Variants in ADAM10 observed in about 807,000 individuals in gnomAD.
ADAM10 encodes ADAM metallopeptidase domain 10.
A neutral mutation model predicts 90.1 loss-of-function variants in ADAM10; 17 were observed. That is an observed-to-expected ratio of 0.19 (90% CI 0.13 to 0.28). The LOEUF (loss-of-function observed/expected upper bound fraction) is 0.28, where lower values mean the gene tolerates loss of function less well. ADAM10 is among the 10% of genes least tolerant of loss of function. The pLI, the probability that ADAM10 is intolerant of heterozygous loss-of-function variation, is 1.00. For missense variants in ADAM10, 610 were observed against 914.3 expected, an observed-to-expected ratio of 0.67 and a Z score of 4.29; for synonymous variants, 310 against 298.6, an observed-to-expected ratio of 1.04 and a Z score of -0.40.
At chr15:58,652,958 G>T (rs1484860846) in intron 5 of ADAM10, among the ~76,000 whole-genome samples, 3 of 151,900 alleles carry the variant, frequency 2.0e-5, no homozygotes, top group Non-Finnish European at 4.4e-5. Context: ...TAATTCCTAG[G>T]TATGTAATTT....
intron 5 of ADAM10, among the ~76,000 whole-genome samples, chr15:58,662,288 C>T (rs1896986555): frequency 6.6e-6 from 1 of 152,176 alleles, no homozygotes; most frequent in Non-Finnish European, 1.5e-5. Context: ...AGCTTCTACT[C>T]TAGGGCTAGG....
chr15:58,716,555 G>A (rs1164199548), intron 2 of ADAM10, among the ~76,000 whole-genome samples: 6 of 152,142 alleles, frequency 3.9e-5, no homozygotes, highest in Non-Finnish European at 8.8e-5. Flanking sequence ...ATGCTGGCAA[G>A]TAAAACAAAG....
chr15:58,603,576 C>T (rs1460574069), intron 14 of ADAM10, among the ~76,000 whole-genome samples: 1 of 152,164 alleles, frequency 6.6e-6, no homozygotes, highest in Non-Finnish European at 1.5e-5. Context: ...CTTCCTTCAT[C>T]TTTACTTTCA....
chr15:58,747,045 G>A (rs1899814526), intron 1 of ADAM10, among the ~76,000 whole-genome samples: 1 of 152,136 alleles, frequency 6.6e-6, no homozygotes. Flanking sequence ...AAATGTAAGA[G>A]ACATATCATA....
intron 10 of ADAM10, 48 bp from the exon 11 acceptor site, chr15:58,621,669 T>C (rs1246672437): frequency 6.2e-7 from 1 of 1,607,594 alleles, no homozygotes; most frequent in Non-Finnish European, 8.5e-7. Flanking sequence ...CACACATTAA[T>C]TTTATTTAAA....
intron 3 of ADAM10, among the ~76,000 whole-genome samples, chr15:58,681,378 T>C (rs1179641739): frequency 6.6e-6 from 1 of 152,220 alleles, no homozygotes; most frequent in Non-Finnish European, 1.5e-5. Flanking sequence ...AGTATAGAAA[T>C]GCCTCATTTA....
intron 1 of ADAM10, among the ~76,000 whole-genome samples, chr15:58,727,252 G>A (rs1899070258): frequency 7.5e-6 from 1 of 132,694 alleles, no homozygotes; most frequent in Non-Finnish European, 1.5e-5. Flanking sequence ...GCGCAACGGC[G>A]CAATCTCGGC....
chr15:58,740,961 C>T (rs1899593669), intron 1 of ADAM10, among the ~76,000 whole-genome samples: 1 of 152,150 alleles, frequency 6.6e-6, no homozygotes, highest in African/African-American at 2.4e-5. Context: ...CTGGAAACGA[C>T]ATAATTTTAA....
intron 5 of ADAM10, among the ~76,000 whole-genome samples, chr15:58,652,469 T>C (rs543412349): frequency 2.6e-4 from 40 of 152,292 alleles, no homozygotes; most frequent in African/African-American, 9.6e-4. Flanking sequence ...GGATATCCAG[T>C]TTTCCCAGCA....
chr15:58,715,346 C>T (rs1420513068), intron 2 of ADAM10, among the ~76,000 whole-genome samples: 1 of 150,286 alleles, frequency 6.7e-6, no homozygotes, highest in Non-Finnish European at 1.5e-5. Flanking sequence ...CACTTGAACC[C>T]AGAGGTTGCA....
chr15:58,644,081 T>A (rs1270169916), intron 6 of ADAM10, 103 bp from the exon 7 acceptor site: 3 of 848,818 alleles, frequency 3.5e-6, no homozygotes, highest in Non-Finnish European at 5.9e-6. Flanking sequence ...CCTGCCACAT[T>A]CAAATTTTAA....
At chr15:58,685,386 G>A (rs894350716) in intron 2 of ADAM10, among the ~76,000 whole-genome samples, 7 of 150,836 alleles carry the variant, frequency 4.6e-5, no homozygotes, top group East Asian at 1.9e-4. Context: ...GCGTGAACCC[G>A]GGGGAGGCAG....
At chr15:58,720,119 A>T (rs1472800474) in intron 1 of ADAM10, among the ~76,000 whole-genome samples, 2 of 152,200 alleles carry the variant, frequency 1.3e-5, no homozygotes, top group East Asian at 3.8e-4. Context: ...AAATCTCAGG[A>T]GGTGGTTTTT....
intron 2 of ADAM10, among the ~76,000 whole-genome samples, chr15:58,716,805 A>G (rs1179368286): frequency 6.6e-6 from 1 of 152,158 alleles, no homozygotes; most frequent in Non-Finnish European, 1.5e-5. Flanking sequence ...CATCAGTACA[A>G]AAAGTACAAA....
At position 58,589,038 on chromosome 15, in the gene ADAM10, TGTTAAAA is replaced by T. The variant is rs1894772154; in HGVS notation, c.*8502_*8508del. Reference sequence around the variant, plus strand: ...CTGCCACAGGATTTAGAATGAGATATGTTAAAAGTTAAAAATACAGCTGTTGGTAATG... The same window carrying T: ...CTGCCACAGGATTTAGAATGAGATATGTTAAAAATACAGCTGTTGGTAATG... On this transcript the variant is annotated 3_prime_UTR_variant, in exon 16 of 16. Coordinates refer to ENST00000260408, the MANE Select transcript of ADAM10 (RefSeq NM_001110.4). 1 of 152,226 alleles carries T rather than the reference TGTTAAAA, an allele frequency of 6.6e-6. No individual in the cohort carries two copies. The highest frequency in any genetic ancestry group is 1.5e-5 in the Non-Finnish European group (1 of 68,046). 9.4% of individuals were successfully genotyped at this position (152,226 alleles called of 1,614,324 possible).
intron 4 of ADAM10, among the ~76,000 whole-genome samples, chr15:58,674,210 A>C (rs1266930082): frequency 6.6e-6 from 1 of 152,242 alleles, no homozygotes; most frequent in Non-Finnish European, 1.5e-5. Context: ...ACTCAGAAAA[A>C]AGGAAAAGAC....
chr15:58,658,781 T>C (rs1346359981), intron 5 of ADAM10, among the ~76,000 whole-genome samples: 1 of 152,234 alleles, frequency 6.6e-6, no homozygotes, highest in East Asian at 1.9e-4. Flanking sequence ...AAATATTCAT[T>C]GCCAGTATAT....
intron 14 of ADAM10, among the ~76,000 whole-genome samples, chr15:58,606,099 C>T (rs1398896416): frequency 6.6e-6 from 1 of 152,100 alleles, no homozygotes; most frequent in Non-Finnish European, 1.5e-5. Context: ...ACAACGCTCA[C>T]TCTCAGCAAA....
intron 5 of ADAM10, among the ~76,000 whole-genome samples, chr15:58,662,983 T>C (rs1269560642): frequency 1.3e-5 from 2 of 152,200 alleles, no homozygotes; most frequent in Admixed American, 6.5e-5. Context: ...GGCAGGGAAA[T>C]CACAGAGATA....
Sources: gnomAD v4.1 joint callset for allele counts (sites outside exome capture counted in the v4.1 genomes callset) on GRCh38, gnomAD v4.1.1 for gene constraint, MANE v1.5 for transcripts, NCBI Gene and HGNC (gene_info 2026-07-23, HGNC 2026-07-21) for gene names.